DOCK8: variants seen among roughly 807,000 people sequenced by gnomAD.
DOCK8 encodes dedicator of cytokinesis 8.
DOCK8 carries 141 observed loss-of-function variants against 245.6 expected under a neutral mutation model. The observed-to-expected ratio is 0.57, with a 90% CI of 0.50 to 0.66. DOCK8 has a LOEUF of 0.66. Ranked by LOEUF, DOCK8 falls within the 30% of genes least tolerant of loss-of-function variation. The pLI is 0.00. For synonymous variants in DOCK8, 1,168 were observed against 970.2 expected (o/e 1.20, Z -3.79); for missense variants, 2,965 against 2,603.4 (o/e 1.14, Z -3.02).
intron 7 of DOCK8, among the ~76,000 whole-genome samples, chr9:318,426 A>G (rs142756700): frequency 1.8e-4 from 27 of 152,330 alleles, no homozygotes; most frequent in African/African-American, 6.0e-4. Context: ...GTTCTTCCCT[A>G]TAAATGAAGT....
intron 37 of DOCK8, among the ~76,000 whole-genome samples, chr9:432,911 G>A (rs375762753): frequency 1.3e-5 from 2 of 152,306 alleles, no homozygotes; most frequent in African/African-American, 4.8e-5. Flanking sequence ...TGTCCATTAC[G>A]ATGACCGTGG....
chr9:415,285 G>A (rs1049440876), intron 29 of DOCK8, among the ~76,000 whole-genome samples: 1 of 151,942 alleles, frequency 6.6e-6, no homozygotes, highest in Non-Finnish European at 1.5e-5. Context: ...TTTGGAGATC[G>A]TGCTCTAACA....
At chr9:279,493 T>C (rs1364686394) in intron 2 of DOCK8, among the ~76,000 whole-genome samples, 1 of 152,086 alleles carries the variant, frequency 6.6e-6, no homozygotes, top group Non-Finnish European at 1.5e-5. Flanking sequence ...CTAGTAAAAG[T>C]GGTATCTGTA....
At chr9:427,611 C>T (rs1395324505) in intron 34 of DOCK8, among the ~76,000 whole-genome samples, 1 of 152,108 alleles carries the variant, frequency 6.6e-6, no homozygotes, top group African/African-American at 2.4e-5. Context: ...AAAATGAGTT[C>T]TTACATGTTT....
chr9:333,920 A>G (rs1051499985), intron 10 of DOCK8, among the ~76,000 whole-genome samples: 8 of 152,234 alleles, frequency 5.3e-5, no homozygotes, highest in African/African-American at 1.9e-4. Context: ...GCTAGCCACC[A>G]AAAGAATTGA....
rs1286452807 is a variant in DOCK8, at chr9:221,371, T to C, written c.53+6342T>C. On this transcript the variant is annotated intron_variant, in intron 1 of 47. Coordinates refer to ENST00000432829, the MANE Select transcript of DOCK8 (RefSeq NM_203447.4). Reference sequence around the variant, plus strand: ...TTCAGCCAACCACAGATCAAAAATATTTGGAAAAAAATGTAGATAGTTGCA... The same window carrying C: ...TTCAGCCAACCACAGATCAAAAATACTTGGAAAAAAATGTAGATAGTTGCA... Among the ~76,000 whole-genome samples, 8 of 152,226 alleles carry C rather than the reference T, an allele frequency of 5.3e-5. No homozygotes were observed. The East Asian group carries it at 1.3e-3, about 26-fold the overall frequency.
chr9:229,307 T>G (rs909824385), intron 1 of DOCK8, among the ~76,000 whole-genome samples: 4 of 152,168 alleles, frequency 2.6e-5, no homozygotes, highest in African/African-American at 9.7e-5. Flanking sequence ...GCAGAGAAAC[T>G]GAGACCAAAT....
intron 2 of DOCK8, chr9:272,912 C>G: frequency 2.6e-6 from 1 of 386,268 alleles, no homozygotes; most frequent in South Asian, 1.1e-4. Context: ...CACTTCCTCA[C>G]ACAGCACAGC....
Position 379,974 on chromosome 9 carries a change from CA to C in DOCK8, c.2605+41del, listed in dbSNP as rs771182682. 27 of 1,598,014 alleles carry C rather than the reference CA, an allele frequency of 1.7e-5. 1 individual carries two copies. In the South Asian group the frequency reaches 2.9e-4, roughly 17 times the overall value. ...GAGTGTGGGACTCTGGTGGGCGGGG[CA>C]ACACCACCTCCACCCCACTGCAGTG... On this transcript the variant is annotated intron_variant, in intron 21 of 47. Coordinates refer to ENST00000432829, the MANE Select transcript of DOCK8 (RefSeq NM_203447.4).
intron 1 of DOCK8, among the ~76,000 whole-genome samples, chr9:252,832 A>G (rs1379626743): frequency 6.6e-6 from 1 of 152,012 alleles, no homozygotes; most frequent in Non-Finnish European, 1.5e-5. Flanking sequence ...ACTTCTTCAC[A>G]TCAATTTAGG....
intron 6 of DOCK8, chr9:314,590 C>G (rs2050266500): frequency 6.6e-6 from 1 of 152,154 alleles, no homozygotes; most frequent in Non-Finnish European, 1.5e-5. Context: ...GAGAGAAGTG[C>G]TTCGTAATTA....
chr9:316,986 A>G, intron 6 of DOCK8, 57 bp from the exon 7 acceptor site: 1 of 1,384,054 alleles, frequency 7.2e-7, no homozygotes, highest in African/African-American at 1.4e-5. Flanking sequence ...GGTTAACTCT[A>G]ATTGGAGCTC....
intron 5 of DOCK8, among the ~76,000 whole-genome samples, chr9:306,951 G>T (rs188212817): frequency 6.6e-4 from 101 of 152,290 alleles, no homozygotes; most frequent in African/African-American, 2.4e-3. Context: ...CTGGACTCAC[G>T]CCTCACAGGA....
intron 13 of DOCK8, 150 bp from the exon 14 acceptor site, chr9:340,009 C>T: frequency 1.3e-6 from 1 of 762,858 alleles, no homozygotes; most frequent in Non-Finnish European, 2.1e-6. Context: ...ACACACTTTT[C>T]TCAAGCTGTA....
At chr9:255,816 A>T (rs1477995515) in intron 1 of DOCK8, among the ~76,000 whole-genome samples, 1 of 152,172 alleles carries the variant, frequency 6.6e-6, no homozygotes, top group Non-Finnish European at 1.5e-5. Flanking sequence ...TATACAACAA[A>T]CATAGTATTA....
chr9:315,755 T>C (rs1245249488), intron 6 of DOCK8, among the ~76,000 whole-genome samples: 2 of 152,216 alleles, frequency 1.3e-5, no homozygotes, highest in East Asian at 1.9e-4. Flanking sequence ...ATTGCATTGC[T>C]CTCTCAACTT....
intron 26 of DOCK8, among the ~76,000 whole-genome samples, chr9:400,680 TCAC>T (rs2054919150): frequency 1.9e-4 from 4 of 20,878 alleles, no homozygotes; most frequent in Admixed American, 4.7e-4. Flanking sequence ...ATCTTCACCA[TCAC>T]CACCACCTCC....
chr9:212,824 G>A (rs186563688), upstream of DOCK8: 6 of 152,258 alleles, frequency 3.9e-5, no homozygotes, highest in East Asian at 7.7e-4. Context: ...AATCTGAGAT[G>A]CTTTCATTAC....
chr9:333,385 A>C (rs1012877357), intron 10 of DOCK8, among the ~76,000 whole-genome samples: 13 of 152,318 alleles, frequency 8.5e-5, no homozygotes, highest in Admixed American at 6.5e-4. Flanking sequence ...GCAGATCATG[A>C]GGTCAGAAGA....
Sources: gnomAD v4.1 joint callset for allele counts (sites outside exome capture counted in the v4.1 genomes callset) on GRCh38, gnomAD v4.1.1 for gene constraint, MANE v1.5 for transcripts, NCBI Gene and HGNC (gene_info 2026-07-23, HGNC 2026-07-21) for gene names.